The following CCDC7 variants were observed in gnomAD, a reference collection of about 807,000 sequenced individuals.
CCDC7 encodes coiled-coil domain containing 7, also known as coiled-coil domain-containing protein 7.
In CCDC7, 183 loss-of-function variants were observed where a neutral mutation model predicts 196.9. That is an observed-to-expected ratio of 0.93 (90% CI 0.82 to 1.05). The LOEUF (loss-of-function observed/expected upper bound fraction) is 1.05. CCDC7 is among the 50% of genes least tolerant of loss of function. The pLI is 0.00. For missense variants in CCDC7, 1,540 were observed against 1,482.2 expected, an observed-to-expected ratio of 1.04 and a Z score of -0.64; for synonymous variants, 525 against 484.6, an observed-to-expected ratio of 1.08 and a Z score of -1.10.
chr10:32,705,499 C>T lies in CCDC7; in HGVS notation c.2459-6121C>T, dbSNP rs923459294. Among the ~76,000 whole-genome samples the T allele has an allele frequency of 3.3e-5, 5 of 152,150 alleles. No homozygotes were observed. In the South Asian group the frequency reaches 6.2e-4, roughly 19 times the overall value. ...AACTTAAATGTAAATGGGCTAAATGCCCCAATTAAAAGACACAGACTGACA... is the reference window on the plus strand; with the variant it reads ...AACTTAAATGTAAATGGGCTAAATGTCCCAATTAAAAGACACAGACTGACA... On this transcript the variant is annotated intron_variant, in intron 24 of 41. Coordinates refer to ENST00000639629, the Ensembl canonical transcript of CCDC7.
At chr10:32,489,053 T>A (rs191753610) in intron 8 of CCDC7, among the ~76,000 whole-genome samples, 21 of 152,290 alleles carry the variant, frequency 1.4e-4, no homozygotes, top group African/African-American at 5.1e-4. Flanking sequence ...CTAATCTCTT[T>A]TACTTCCCTA....
At chr10:32,819,284 A>C (rs1407298262) in intron 31 of CCDC7, among the ~76,000 whole-genome samples, 3 of 152,252 alleles carry the variant, frequency 2.0e-5, no homozygotes, top group African/African-American at 7.2e-5. Flanking sequence ...AAATCTCTGA[A>C]TAGACCAATA....
chr10:32,756,850 A>C (rs2076544745), intron 28 of CCDC7, among the ~76,000 whole-genome samples: 1 of 152,226 alleles, frequency 6.6e-6, no homozygotes, highest in African/African-American at 2.4e-5. Context: ...TGTATTCAGG[A>C]GTCCCATCTC....
chr10:32,802,237 C>A (rs1216966473), intron 29 of CCDC7, among the ~76,000 whole-genome samples: 2 of 152,146 alleles, frequency 1.3e-5, no homozygotes, highest in Non-Finnish European at 2.9e-5. Flanking sequence ...AGCAACCAAC[C>A]AACTTCTTTA....
chr10:32,633,571 A>G (rs1264583672), intron 18 of CCDC7, among the ~76,000 whole-genome samples: 1 of 152,058 alleles, frequency 6.6e-6, no homozygotes, highest in East Asian at 1.9e-4. Context: ...AATATTTGTC[A>G]AATTTTTATT....
chr10:32,559,850 G>A (rs1447844811), intron 13 of CCDC7, among the ~76,000 whole-genome samples: 1 of 152,182 alleles, frequency 6.6e-6, no homozygotes, highest in Non-Finnish European at 1.5e-5. Context: ...GAGAGAAGAA[G>A]GCTTCAGACG....
rs1227174443 is a variant in CCDC7, at chr10:32,462,722, A to G, written c.477+19A>G. ...TTTTAAGGTACGTTCAATATATTAC[A>G]GCTTAAGCCTACTAAAACTTAACAC... On this transcript the variant is annotated intron_variant, in intron 4 of 41. Transcript: ENST00000639629. 2 of 1,456,428 alleles carry G rather than the reference A, an allele frequency of 1.4e-6. No individual in the cohort carries two copies. Among genetic ancestry groups the G allele is most frequent in the Non-Finnish European group, 1.9e-6 (2 of 1,075,270 alleles). The allele number at this position is 1,456,428 out of a possible 1,614,324, so 90.2% of individuals were successfully genotyped here.
intron 28 of CCDC7, among the ~76,000 whole-genome samples, chr10:32,736,525 T>A (rs933361808): frequency 6.6e-6 from 1 of 152,090 alleles, no homozygotes; most frequent in African/African-American, 2.4e-5. Flanking sequence ...TATCTCCCAA[T>A]GCTATCCCTC....
intron 18 of CCDC7, among the ~76,000 whole-genome samples, chr10:32,592,553 A>G (rs2059879431): frequency 7.2e-6 from 1 of 139,614 alleles, no homozygotes; most frequent in African/African-American, 2.5e-5. Context: ...CTCAAGATAT[A>G]TATTTTTTAA....
intron 30 of CCDC7, among the ~76,000 whole-genome samples, chr10:32,814,043 C>T (rs536586596): frequency 7.4e-4 from 112 of 152,230 alleles, no homozygotes; most frequent in African/African-American, 2.6e-3. Context: ...CTGCAACCTC[C>T]GACTCCTGGG....
intron 28 of CCDC7, among the ~76,000 whole-genome samples, chr10:32,769,156 G>T (rs1448800076): frequency 1.3e-5 from 2 of 151,942 alleles, no homozygotes; most frequent in Non-Finnish European, 2.9e-5. Context: ...TTTATTGGGA[G>T]ATTTTTATTA....
At chr10:32,810,850 C>G (rs1275781468) in intron 30 of CCDC7, among the ~76,000 whole-genome samples, 2 of 151,808 alleles carry the variant, frequency 1.3e-5, no homozygotes, top group African/African-American at 2.4e-5. Flanking sequence ...AACTAGAAAT[C>G]AAAAACTAGA....
At chr10:32,512,650 C>T (rs1331317438) in intron 9 of CCDC7, 5 of 152,258 alleles carry the variant, frequency 3.3e-5, no homozygotes, top group Non-Finnish European at 4.4e-5. Flanking sequence ...GAAAACACCT[C>T]GTTCAAAATT....
intron 28 of CCDC7, among the ~76,000 whole-genome samples, chr10:32,759,446 T>C (rs980878135): frequency 1.3e-5 from 2 of 152,226 alleles, no homozygotes; most frequent in African/African-American, 2.4e-5. Context: ...GCCACATATC[T>C]ACAACTATCT....
intron 11 of CCDC7, among the ~76,000 whole-genome samples, chr10:32,528,631 T>TA (rs2135796860): frequency 7.6e-6 from 1 of 131,878 alleles, no homozygotes; most frequent in East Asian, 2.1e-4. Flanking sequence ...CCATGGTATA[T>TA]GTATGTGTGT....
intron 21 of CCDC7, among the ~76,000 whole-genome samples, chr10:32,677,511 C>G (rs957395956): frequency 6.6e-6 from 1 of 152,050 alleles, no homozygotes; most frequent in African/African-American, 2.4e-5. Context: ...TCTTGGTTGA[C>G]ATTTATTTCA....
intron 33 of CCDC7, among the ~76,000 whole-genome samples, chr10:32,836,794 T>C (rs964704123): frequency 6.6e-6 from 1 of 152,150 alleles, no homozygotes; most frequent in Non-Finnish European, 1.5e-5. Flanking sequence ...CTGTTAGACT[T>C]GGCAAAGACT....
At chr10:32,567,282 AAATT>A (rs1407193545) in intron 14 of CCDC7, among the ~76,000 whole-genome samples, 13 of 151,784 alleles carry the variant, frequency 8.6e-5, no homozygotes, top group Admixed American at 1.3e-4. Flanking sequence ...CAGAAGAAAT[AAATT>A]GTTTTCCACA....
intron 13 of CCDC7, among the ~76,000 whole-genome samples, chr10:32,547,388 A>C (rs2052649643): frequency 6.6e-6 from 1 of 152,122 alleles, no homozygotes; most frequent in African/African-American, 2.4e-5. Context: ...ACTTGATCAT[A>C]GGAGTGACAT....
Sources: gnomAD v4.1 joint callset for allele counts (sites outside exome capture counted in the v4.1 genomes callset) on GRCh38, gnomAD v4.1.1 for gene constraint, MANE v1.5 for transcripts, NCBI Gene and HGNC (gene_info 2026-07-23, HGNC 2026-07-21) for gene names.